GNAI1: variants seen among roughly 807,000 people sequenced by gnomAD.
GNAI1 encodes G protein subunit alpha i1, also known as guanine nucleotide-binding protein G(i) subunit alpha-1.
GNAI1 carries 11 observed loss-of-function variants against 38.9 expected under a neutral mutation model. The ratio of observed to expected loss-of-function variants is 0.28; its 90% confidence interval spans 0.18 to 0.47. GNAI1 has a LOEUF of 0.47. Among genes scored for constraint, GNAI1 ranks in the 20% least tolerant of loss-of-function variants. GNAI1 has a pLI of 0.99. For synonymous variants in GNAI1, 166 were observed against 145.1 expected, an observed-to-expected ratio of 1.14 and a Z score of -1.04; for missense variants, 317 against 436.9, an observed-to-expected ratio of 0.73 and a Z score of 2.45.
At position 80,224,272 on chromosome 7, in the gene GNAI1, A is replaced by C. The variant is rs1386332719; in HGVS notation, c.*6779A>C. On this transcript the variant is annotated 3_prime_UTR_variant, in exon 8 of 8. Transcript: ENST00000649796. ...CATTTAGTCATCAGAGCAGTCCTGC[A>C]ATATTGGTAAAATTTCCATTTTCTA... 6.6e-6 allele frequency among the ~76,000 whole-genome samples: 1 copy of C among 152,214 alleles called. No individual in the cohort carries two copies. Among genetic ancestry groups the C allele is most frequent in the Non-Finnish European group, 1.5e-5 (1 of 68,038 alleles).
chr7:80,185,026 C>A (rs1332838077), intron 1 of GNAI1, among the ~76,000 whole-genome samples: 1 of 152,172 alleles, frequency 6.6e-6, no homozygotes, highest in African/African-American at 2.4e-5. Context: ...TTACATATTT[C>A]TCTTTTCTTC....
At chr7:80,184,345 G>A (rs986432437) in intron 1 of GNAI1, among the ~76,000 whole-genome samples, 9 of 152,162 alleles carry the variant, frequency 5.9e-5, no homozygotes, top group African/African-American at 1.7e-4. Context: ...TTTATACATT[G>A]GTACGTCCAG....
chr7:80,140,665 G>A (rs192154335), intron 1 of GNAI1, among the ~76,000 whole-genome samples: 41 of 152,282 alleles, frequency 2.7e-4, no homozygotes, highest in Admixed American at 2.5e-3. Context: ...TAATCTTTTA[G>A]TGCTCAGACT....
chr7:80,150,747 G>A (rs533372408), intron 1 of GNAI1, among the ~76,000 whole-genome samples: 1 of 152,200 alleles, frequency 6.6e-6, no homozygotes, highest in South Asian at 2.1e-4. Context: ...TTTTGTTATT[G>A]TAGGCTAATT....
rs972174242 is a variant in GNAI1 at position 80,220,810 on chromosome 7, C to T, written c.*3317C>T. Reference sequence around the variant, plus strand: ...CTAGAGCTTCTGACTCCATGTCTGTCAGAGGACCCCAAAGATGCTACCTTA... The same window carrying T: ...CTAGAGCTTCTGACTCCATGTCTGTTAGAGGACCCCAAAGATGCTACCTTA... On this transcript the variant is annotated 3_prime_UTR_variant, in exon 8 of 8. Transcript: ENST00000649796. Among the ~76,000 whole-genome samples the T allele has an allele frequency of 2.0e-5, 3 of 152,156 alleles. No homozygotes were observed. The highest frequency in any genetic ancestry group is 6.5e-5 in the Admixed American group (1 of 15,276).
chr7:80,143,907 TGTGTGTGTGTGTGTGCGCGC>T (rs1179840439), intron 1 of GNAI1, among the ~76,000 whole-genome samples: 6 of 49,442 alleles, frequency 1.2e-4, no homozygotes, highest in African/African-American at 2.9e-4. Flanking sequence ...AGCAAGGATG[TGTGTGTGTGTGTGTGCGCGC>T]GTGTGTGTAT....
intron 1 of GNAI1, among the ~76,000 whole-genome samples, chr7:80,182,132 A>T (rs1157736104): frequency 6.6e-6 from 1 of 152,120 alleles, no homozygotes. Flanking sequence ...TACAAGTTAG[A>T]TTATGTGGTA....
chr7:80,172,799 G>A (rs765179098), intron 1 of GNAI1, among the ~76,000 whole-genome samples: 5 of 152,048 alleles, frequency 3.3e-5, no homozygotes, highest in Non-Finnish European at 5.9e-5. Flanking sequence ...TAGTTTTCAC[G>A]AGGAAAACCA....
At chr7:80,164,768 A>G (rs1454791662) in intron 1 of GNAI1, among the ~76,000 whole-genome samples, 1 of 152,182 alleles carries the variant, frequency 6.6e-6, no homozygotes, top group African/African-American at 2.4e-5. Flanking sequence ...AACATCCTCC[A>G]TGATTTCTCA....
In GNAI1 at chr7:80,221,888, C is replaced by T. The variant is rs796365185; in HGVS notation, c.*4395C>T. Reference sequence around the variant, plus strand: ...ATCACCTGACCTTGTGATCTGACCGCCTCGGCCTCCCAAAGTGCTGGGATT... The same window carrying T: ...ATCACCTGACCTTGTGATCTGACCGTCTCGGCCTCCCAAAGTGCTGGGATT... On this transcript the variant is annotated 3_prime_UTR_variant, in exon 8 of 8. Coordinates refer to ENST00000649796, the MANE Select transcript of GNAI1 (RefSeq NM_002069.6). Among the ~76,000 whole-genome samples, 6 of 152,096 alleles carry T rather than the reference C, an allele frequency of 3.9e-5. No homozygotes were observed. The highest frequency in any genetic ancestry group is 1.4e-4 in the African/African-American group (6 of 41,500).
Position 80,222,630 on chromosome 7 carries a change from G to A in GNAI1, c.*5137G>A, listed in dbSNP as rs1001715161. Reference sequence around the variant, plus strand: ...TCGAACTCCTGACCTCAGGTAATCCGCCCACCTCGGCCGCCCAAAGTGCTG... The same window carrying A: ...TCGAACTCCTGACCTCAGGTAATCCACCCACCTCGGCCGCCCAAAGTGCTG... On this transcript the variant is annotated 3_prime_UTR_variant, in exon 8 of 8. Coordinates refer to ENST00000649796, the MANE Select transcript of GNAI1 (RefSeq NM_002069.6). 5.3e-5 allele frequency among the ~76,000 whole-genome samples: 8 copies of A among 151,888 alleles called. No individual in the cohort carries two copies. Among genetic ancestry groups the A allele is most frequent in the Admixed American group, 4.6e-4 (7 of 15,254 alleles).
intron 7 of GNAI1, among the ~76,000 whole-genome samples, chr7:80,215,209 A>T (rs998246254): frequency 6.6e-6 from 1 of 152,158 alleles, no homozygotes. Context: ...TTTGTTTCTT[A>T]AGACTTAAAA....
intron 1 of GNAI1, among the ~76,000 whole-genome samples, chr7:80,182,709 A>C (rs78561335): frequency 0.012 from 1,851 of 151,986 alleles, 18 homozygotes; most frequent in East Asian, 0.046. Flanking sequence ...GCATTAAACC[A>C]GATTGTGATG....
rs1157600386 is a variant in GNAI1, at chr7:80,174,994, C to G, written c.119-13957C>G. Among the ~76,000 whole-genome samples the G allele has an allele frequency of 1.3e-5, 2 of 152,182 alleles. 1 individual carries two copies. The highest frequency in any genetic ancestry group is 2.9e-5 in the Non-Finnish European group (2 of 68,032). On this transcript the variant is annotated intron_variant, in intron 1 of 7. Transcript: ENST00000649796. ...TCCATGTGACCAAATGGGAAATACA[C>G]TTACAGTACTCCTGTATACCAAAGC...
intron 5 of GNAI1, among the ~76,000 whole-genome samples, chr7:80,206,259 G>T (rs995118808): frequency 2.6e-5 from 4 of 151,974 alleles, no homozygotes; most frequent in African/African-American, 9.7e-5. Context: ...CTTAAACAAA[G>T]ATATAGGTAA....
rs759777660 is a variant in GNAI1, at chr7:80,211,056, A to G, written c.678A>G (p.Ala226=). The G allele has an allele frequency of 6.2e-7, 1 of 1,613,092 alleles. No homozygotes were observed. ...EGVTAIIFCV[A]LSDYDLVLAE... ...TGACGGCGATCATCTTCTGTGTAGC[A>G]CTGAGTGACTACGACCTGGTTCTAG... The change falls in exon 6 of 8, where the codon GCA becomes GCG. Residue 226 remains alanine, a synonymous_variant. Coordinates refer to ENST00000649796, the MANE Select transcript of GNAI1 (RefSeq NM_002069.6).
intron 1 of GNAI1, among the ~76,000 whole-genome samples, chr7:80,137,848 T>C (rs1350700982): frequency 6.6e-6 from 1 of 152,184 alleles, no homozygotes; most frequent in Non-Finnish European, 1.5e-5. Flanking sequence ...TCCATCACCC[T>C]AGTCCTGTAA....
intron 7 of GNAI1, among the ~76,000 whole-genome samples, chr7:80,213,541 A>G (rs1441860841): frequency 6.6e-6 from 1 of 152,150 alleles, no homozygotes; most frequent in Non-Finnish European, 1.5e-5. Flanking sequence ...GAGTTGGGCT[A>G]AAACATTAGT....
intron 5 of GNAI1, among the ~76,000 whole-genome samples, chr7:80,209,871 G>A (rs1788844443): frequency 6.6e-6 from 1 of 152,082 alleles, no homozygotes. Flanking sequence ...TTAGTTTGTG[G>A]TAGAAACATT....
Sources: gnomAD v4.1 joint callset for allele counts (sites outside exome capture counted in the v4.1 genomes callset) on GRCh38, gnomAD v4.1.1 for gene constraint, MANE v1.5 for transcripts, NCBI Gene and HGNC (gene_info 2026-07-23, HGNC 2026-07-21) for gene names.